CRYZL1: variants seen among roughly 807,000 people sequenced by gnomAD.
CRYZL1 encodes the protein crystallin zeta like 1, also known as ferry endosomal RAB5 effector complex subunit 4.
CRYZL1 carries 34 observed loss-of-function variants against 50.6 expected under a neutral mutation model. The ratio of observed to expected loss-of-function variants is 0.67; its 90% confidence interval spans 0.51 to 0.89. The LOEUF (loss-of-function observed/expected upper bound fraction) is 0.89. Ranked by LOEUF, CRYZL1 falls within the 40% of genes least tolerant of loss-of-function variation. The pLI is 0.00. For missense variants in CRYZL1, 354 were observed against 402.3 expected (o/e 0.88, Z 1.03); for synonymous variants, 125 against 134.3 (o/e 0.93, Z 0.48).
At chr21:33,615,309 G>A (rs764988345) in intron 5 of CRYZL1, among the ~76,000 whole-genome samples, 3 of 151,666 alleles carry the variant, frequency 2.0e-5, no homozygotes, top group Non-Finnish European at 4.4e-5. Flanking sequence ...GTGCCACCAC[G>A]CCTGGCTAAT....
rs1161160454 is a variant in CRYZL1 at position 33,591,195 on chromosome 21, T to C, written c.917A>G (p.Asp306Gly). 5 of 1,609,898 alleles carry C rather than the reference T, an allele frequency of 3.1e-6. No individual in the cohort carries two copies. The highest frequency in any genetic ancestry group is 4.3e-6 in the Non-Finnish European group (5 of 1,176,318). The change falls in exon 12 of 13, where the codon GAT (aspartate) becomes GGT (glycine). Residue 306 changes from aspartate (D) to glycine (G), a missense_variant. Physicochemically the swap from Asp to Gly is moderately conservative, Grantham distance 94 (BLOSUM62 -1). Transcript: ENST00000381554. ...ACCAGTTGATAACTTCTCCATCACA[T>C]CCTTTAAGATACGTAGCTGGAAGGA... ...QQGKYLCILK[D>G]VMEKLSTGVF...
Position 33,603,405 on chromosome 21 carries a change from C to T in CRYZL1, c.464G>A (p.Ser155Asn). 3.1e-6 allele frequency: 5 copies of T among 1,614,020 alleles called. No homozygotes were observed. The highest frequency in any genetic ancestry group is 4.2e-6 in the Non-Finnish European group (5 of 1,180,006). The part of the protein sequence containing the change: ...GKSVLIMDGA[S>N]AFGTIAIQLA... ...CTTAACAAAACCATTAGCACCTACA[C>T]TTGCTCCATCCATTATCAGCACTGA... The change falls in exon 7 of 13, where the codon AGT (serine) becomes AAT (asparagine). Residue 155 changes from serine (S) to asparagine (N), a missense_variant and splice_region_variant. By Grantham distance (46) the Ser-to-Asn change is conservative. Coordinates refer to ENST00000381554, the MANE Select transcript of CRYZL1 (RefSeq NM_145858.3).
At chr21:33,630,946 A>G (rs139613312) in intron 2 of CRYZL1, among the ~76,000 whole-genome samples, 2 of 152,310 alleles carry the variant, frequency 1.3e-5, no homozygotes, top group Non-Finnish European at 2.9e-5. Flanking sequence ...AAGACAGTTG[A>G]TTGCATAGAC....
intron 1 of CRYZL1, chr21:33,640,301 T>A: frequency 1.4e-6 from 2 of 1,466,166 alleles, no homozygotes; most frequent in East Asian, 5.2e-5. Flanking sequence ...TCCCCTGCTG[T>A]AAGCTGGAAC....
At chr21:33,635,498 C>A (rs1406393937) in intron 1 of CRYZL1, among the ~76,000 whole-genome samples, 1 of 151,284 alleles carries the variant, frequency 6.6e-6, no homozygotes, top group Non-Finnish European at 1.5e-5. Context: ...CTACAGGCGC[C>A]CACCACCACA....
intron 6 of CRYZL1, among the ~76,000 whole-genome samples, chr21:33,606,886 C>T (rs1393821756): frequency 6.6e-6 from 1 of 151,972 alleles, no homozygotes; most frequent in East Asian, 1.9e-4. Context: ...TGGCGCATGC[C>T]TGTAATCCCA....
Position 33,632,744 on chromosome 21 carries a change from T to C in CRYZL1, c.-6-1187A>G, listed in dbSNP as rs771233609. ...TTCTTTAATTTTCAGAGTAATTATGTGGTAAGACTATTTTTTATGCAAATT... is the reference window on the plus strand; with the variant it reads ...TTCTTTAATTTTCAGAGTAATTATGCGGTAAGACTATTTTTTATGCAAATT... On this transcript the variant is annotated intron_variant, in intron 1 of 12. Transcript: ENST00000381554. Among the ~76,000 whole-genome samples, 182 of 152,188 alleles carry C rather than the reference T, an allele frequency of 1.2e-3. 4 individuals are homozygous for C. The highest frequency in any genetic ancestry group is 3.5e-4 in the Non-Finnish European group (24 of 68,038).
In CRYZL1 at chr21:33,616,708, A is replaced by G. The variant is rs1411535097; in HGVS notation, c.260T>C (p.Val87Ala). 1.2e-6 allele frequency: 2 copies of G among 1,609,624 alleles called. No homozygotes were observed. The highest frequency in any genetic ancestry group is 1.7e-6 in the Non-Finnish European group (2 of 1,177,774). ...TAAGACTATGAACTATAACTTACCAACTACTTCATCATCTGGTTGAAAGAA... is the reference window on the plus strand; with the variant it reads ...TAAGACTATGAACTATAACTTACCAGCTACTTCATCATCTGGTTGAAAGAA... Reference protein sequence around the residue: ...VSFFQPDDEVVGILPLDSEDP... With the variant: ...VSFFQPDDEVAGILPLDSEDP... Residue 87 changes from valine to alanine, a missense_variant and splice_region_variant, in exon 5 of 13, where the codon GTT becomes GCT. Physicochemically the swap from Val to Ala is moderately conservative, Grantham distance 64. Transcript: ENST00000381554.
intron 10 of CRYZL1, chr21:33,596,178 A>C: frequency 2.0e-6 from 1 of 506,288 alleles, no homozygotes; most frequent in Non-Finnish European, 4.0e-6. Flanking sequence ...ATCAGCCATC[A>C]TGTAAATATG....
intron 12 of CRYZL1, among the ~76,000 whole-genome samples, chr21:33,590,257 T>G (rs756087776): frequency 1.2e-4 from 19 of 152,120 alleles, no homozygotes; most frequent in Admixed American, 3.3e-4. Context: ...CCTCAAGTGA[T>G]CCACCCACCT....
chr21:33,624,318 A>G (rs1485678332), intron 3 of CRYZL1, among the ~76,000 whole-genome samples: 1 of 152,178 alleles, frequency 6.6e-6, no homozygotes, highest in Non-Finnish European at 1.5e-5. Flanking sequence ...AGACCGAGGC[A>G]GGTGGATCCC....
intron 1 of CRYZL1, among the ~76,000 whole-genome samples, chr21:33,636,004 A>G (rs1016247409): frequency 2.0e-5 from 3 of 152,108 alleles, no homozygotes; most frequent in African/African-American, 7.2e-5. Flanking sequence ...GAACAAATAA[A>G]TAAAACAAAA....
At chr21:33,590,977 A>C (rs988937839) in intron 12 of CRYZL1, among the ~76,000 whole-genome samples, 185 bp downstream of exon 12, 3 of 152,246 alleles carry the variant, frequency 2.0e-5, no homozygotes, top group Non-Finnish European at 4.4e-5. Context: ...TCAGTGCAAA[A>C]GTAAATGCAG....
chr21:33,640,263 T>C, intron 1 of CRYZL1: 1 of 1,532,756 alleles, frequency 6.5e-7, no homozygotes, highest in Non-Finnish European at 8.8e-7. Context: ...TATGGCGAAC[T>C]ACCTCACTTT....
chr21:33,621,949 C>G (rs1447964743), intron 4 of CRYZL1, 47 bp downstream of exon 4: 1 of 1,374,566 alleles, frequency 7.3e-7, no homozygotes, highest in Non-Finnish European at 1.0e-6. Context: ...CATTTAATCT[C>G]TTTTACCTTA....
In CRYZL1 at chr21:33,595,658, A is replaced by G. The variant is rs1302771511; in HGVS notation, c.904+73T>C. On this transcript the variant is annotated intron_variant, in intron 11 of 12. Coordinates refer to ENST00000381554, the MANE Select transcript of CRYZL1 (RefSeq NM_145858.3). ...AACTTAACTGCTATTATTATTTCCT[A>G]TTATCGTAATGAAAGAACTTAGTAC... 5 of 1,588,960 alleles carry G rather than the reference A, an allele frequency of 3.1e-6. No homozygotes were observed. In the African/African-American group the frequency reaches 6.7e-5, roughly 21 times the overall value.
intron 1 of CRYZL1, chr21:33,641,397 G>A (rs2087330364): frequency 1.6e-5 from 23 of 1,437,126 alleles, no homozygotes; most frequent in Non-Finnish European, 2.0e-5. Context: ...TTAAGTGGAA[G>A]GGCACTCCCA....
At chr21:33,615,346 C>T in intron 5 of CRYZL1, among the ~76,000 whole-genome samples, 1 of 151,738 alleles carries the variant, frequency 6.6e-6, no homozygotes, top group Non-Finnish European at 1.5e-5. Context: ...TAGAGTCGAG[C>T]TTTTGCAATG....
intron 1 of CRYZL1, among the ~76,000 whole-genome samples, chr21:33,639,041 A>C (rs2087245154): frequency 6.6e-6 from 1 of 152,250 alleles, no homozygotes; most frequent in Admixed American, 6.5e-5. Context: ...CTTGAGATCT[A>C]AAGATAGATA....
Sources: gnomAD v4.1 joint callset for allele counts (sites outside exome capture counted in the v4.1 genomes callset) on GRCh38, gnomAD v4.1.1 for gene constraint, MANE v1.5 for transcripts, NCBI Gene and HGNC (gene_info 2026-07-23, HGNC 2026-07-21) for gene names.